The following ADAMTS20 variants were observed in gnomAD, a reference collection of about 807,000 sequenced individuals.
The protein encoded by ADAMTS20 is A disintegrin and metalloproteinase with thrombospondin motifs 20.
ADAMTS20 carries 225 observed loss-of-function variants against 260.1 expected under a neutral mutation model. That is an observed-to-expected ratio of 0.87 (90% CI 0.78 to 0.97). ADAMTS20 has a LOEUF of 0.97. Among genes scored for constraint, ADAMTS20 ranks in the 50% least tolerant of loss-of-function variants. The probability of loss-of-function intolerance (pLI) is 0.00; values close to 1 mark genes in which losing one functional copy is unlikely to be tolerated. For synonymous variants in ADAMTS20, 802 were observed against 769.5 expected (o/e 1.04, Z -0.70); for missense variants, 2,400 against 2,337.7 (o/e 1.03, Z -0.55).
intron 37 of ADAMTS20, among the ~76,000 whole-genome samples, chr12:43,364,207 C>T (rs1437648036): frequency 1.3e-5 from 2 of 152,000 alleles, no homozygotes; most frequent in East Asian, 1.9e-4. Flanking sequence ...AATACACAAA[C>T]AAAGAAGTAA....
intron 28 of ADAMTS20, among the ~76,000 whole-genome samples, chr12:43,418,608 C>A (rs1228154181): frequency 3.3e-5 from 5 of 152,198 alleles, no homozygotes; most frequent in Non-Finnish European, 7.3e-5. Context: ...TGCACCCAGG[C>A]TCGCCAAGGG....
At chr12:43,458,709 C>T (rs746437467) in intron 11 of ADAMTS20, among the ~76,000 whole-genome samples, 5 of 152,194 alleles carry the variant, frequency 3.3e-5, no homozygotes, top group African/African-American at 4.8e-5. Context: ...TGGCACCAAT[C>T]AGTTTGATGG....
intron 11 of ADAMTS20, among the ~76,000 whole-genome samples, chr12:43,456,024 T>C (rs1220531574): frequency 6.6e-6 from 1 of 152,224 alleles, no homozygotes; most frequent in Non-Finnish European, 1.5e-5. Context: ...ATTCTTTGGG[T>C]ATATATCCAG....
rs1941421218 is a variant in ADAMTS20, at chr12:43,430,470, C to T, written c.3263G>A (p.Cys1088Tyr). The T allele has an allele frequency of 1.9e-6, 3 of 1,609,336 alleles. No individual in the cohort carries two copies. The highest frequency in any genetic ancestry group is 2.2e-5 in the East Asian group (1 of 44,772). The change falls in exon 23 of 39, where the codon TGC becomes TAC. Residue 1088 changes from cysteine (C) to tyrosine (Y), a missense_variant and splice_region_variant. Coordinates refer to ENST00000389420, the MANE Select transcript of ADAMTS20 (RefSeq NM_025003.5). ...ATACCCATGTCCACATGTGGTTGTG[C>T]ACTGAAAGAAGAATATAGATATTAA... ...ASWQVGPWGP[C>Y]TTTCGHGYQM... is the part of the protein sequence containing the mutation.
chr12:43,474,238 G>A (rs1000373520), intron 7 of ADAMTS20, among the ~76,000 whole-genome samples: 1 of 137,986 alleles, frequency 7.2e-6, no homozygotes, highest in African/African-American at 2.7e-5. Context: ...AGAAAATCTA[G>A]AAGAAATGGA....
At chr12:43,536,742 T>C (rs1249265731) in intron 2 of ADAMTS20, among the ~76,000 whole-genome samples, 1 of 152,168 alleles carries the variant, frequency 6.6e-6, no homozygotes, top group Admixed American at 6.5e-5. Context: ...AGCTAGGAGA[T>C]ACAGAGTAGC....
At chr12:43,539,067 C>A (rs1376735612) in intron 2 of ADAMTS20, among the ~76,000 whole-genome samples, 1 of 151,530 alleles carries the variant, frequency 6.6e-6, no homozygotes, top group Non-Finnish European at 1.5e-5. Context: ...ATTCTCCTGC[C>A]TCAGCCTCCC....
intron 37 of ADAMTS20, among the ~76,000 whole-genome samples, chr12:43,365,801 AAG>A (rs1367366546): frequency 6.6e-6 from 1 of 151,952 alleles, no homozygotes; most frequent in Non-Finnish European, 1.5e-5. Context: ...TTTCACTGGA[AAG>A]AGAGGAATGT....
intron 29 of ADAMTS20, among the ~76,000 whole-genome samples, chr12:43,389,590 C>T (rs1940554660): frequency 6.6e-6 from 1 of 152,104 alleles, no homozygotes; most frequent in Non-Finnish European, 1.5e-5. Flanking sequence ...GCCTATGGCC[C>T]TTCCAGACTG....
intron 29 of ADAMTS20, among the ~76,000 whole-genome samples, chr12:43,393,406 A>G (rs1404885967): frequency 6.6e-6 from 1 of 152,034 alleles, no homozygotes; most frequent in African/African-American, 2.4e-5. Context: ...TAAATATCCT[A>G]TTTATGAAAA....
intron 14 of ADAMTS20, among the ~76,000 whole-genome samples, chr12:43,448,360 A>C (rs9804835): frequency 0.7 from 106,820 of 152,010 alleles, 37,869 homozygotes; most frequent in East Asian, 1. Flanking sequence ...ATCTGATCTT[A>C]AACAAAGCTG....
At chr12:43,519,862 T>C (rs1285129564) in intron 3 of ADAMTS20, among the ~76,000 whole-genome samples, 1 of 152,180 alleles carries the variant, frequency 6.6e-6, no homozygotes, top group Non-Finnish European at 1.5e-5. Context: ...AACCTTAATA[T>C]CACCTTGGTC....
Position 43,399,059 on chromosome 12 carries a change from C to A in ADAMTS20, c.4452+7G>T. On this transcript the variant is annotated splice_region_variant and intron_variant, in intron 29 of 38. Transcript: ENST00000389420. Reference sequence around the variant, plus strand: ...ACATATATAATTATAAAATATACATCATATACCTCATTCCAGCTATTGGCT... The same window carrying A: ...ACATATATAATTATAAAATATACATAATATACCTCATTCCAGCTATTGGCT... The A allele has an allele frequency of 6.8e-7, 1 of 1,477,098 alleles. No homozygotes were observed. The allele number at this position is 1,477,098 out of a possible 1,614,324, so 91.5% of individuals were successfully genotyped here. A position where few individuals can be genotyped will look rare whatever the true frequency, so the allele number is the denominator to read the frequency against.
At chr12:43,411,051 T>C (rs1941021663) in intron 28 of ADAMTS20, among the ~76,000 whole-genome samples, 2 of 152,196 alleles carry the variant, frequency 1.3e-5, no homozygotes, top group African/African-American at 4.8e-5. Context: ...ATCTTAAAAA[T>C]ATTTCAAGAA....
intron 15 of ADAMTS20, among the ~76,000 whole-genome samples, chr12:43,445,677 T>TACACACAC (rs56762980): frequency 1.7e-3 from 255 of 148,788 alleles, no homozygotes; most frequent in Middle Eastern, 0.014. Context: ...GACCCATCTC[T>TACACACAC]ACACACACAC....
Position 43,429,743 on chromosome 12 carries a change from G to A in ADAMTS20, c.3382-19C>T, listed in dbSNP as rs947756115. 1.4e-6 allele frequency: 2 copies of A among 1,476,508 alleles called. No homozygotes were observed. The highest frequency in any genetic ancestry group is 2.4e-5 in the East Asian group (1 of 41,402). The allele number at this position is 1,476,508 out of a possible 1,614,324, so 91.5% of individuals were successfully genotyped here. ...CACAGCTCTGTTCAGAAGAAAAATG[G>A]TTCTCGTAAAACATTAATTAATGAC... On this transcript the variant is annotated intron_variant, in intron 23 of 38. Transcript: ENST00000389420.
At chr12:43,475,768 T>G (rs913475003) in intron 7 of ADAMTS20, among the ~76,000 whole-genome samples, 436 of 150,668 alleles carry the variant, frequency 2.9e-3, no homozygotes, top group South Asian at 9.5e-3. Context: ...TAATAAATGG[T>G]GCTGGGAAAA....
intron 3 of ADAMTS20, among the ~76,000 whole-genome samples, chr12:43,523,374 T>C (rs11182131): frequency 0.68 from 103,681 of 151,922 alleles, 35,675 homozygotes; most frequent in East Asian, 0.99. Flanking sequence ...TTAACTCAGG[T>C]AGTGGTCATA....
At chr12:43,416,639 G>A (rs919773041) in intron 28 of ADAMTS20, among the ~76,000 whole-genome samples, 3 of 150,382 alleles carry the variant, frequency 2.0e-5, no homozygotes, top group African/African-American at 7.3e-5. Flanking sequence ...TTCTCCCTCA[G>A]CCTCCCGAGT....
Sources: gnomAD v4.1 joint callset for allele counts (sites outside exome capture counted in the v4.1 genomes callset) on GRCh38, gnomAD v4.1.1 for gene constraint, MANE v1.5 for transcripts, NCBI Gene and HGNC (gene_info 2026-07-23, HGNC 2026-07-21) for gene names.